NEDD4L: variants seen among roughly 807,000 people sequenced by gnomAD.
NEDD4L encodes the protein NEDD4 like E3 ubiquitin protein ligase, also known as E3 ubiquitin-protein ligase NEDD4-like.
In NEDD4L, 54 loss-of-function variants were observed where a neutral mutation model predicts 148.9. The observed-to-expected ratio is 0.36, with a 90% CI of 0.29 to 0.45. The LOEUF (loss-of-function observed/expected upper bound fraction) is 0.45, where lower values mean the gene tolerates loss of function less well. Ranked by LOEUF, NEDD4L falls within the 20% of genes least tolerant of loss-of-function variation. The pLI is 1.00. For missense variants in NEDD4L, 856 were observed against 1,233.8 expected, an observed-to-expected ratio of 0.69 and a Z score of 4.59; for synonymous variants, 433 against 440.7, an observed-to-expected ratio of 0.98 and a Z score of 0.22.
At chr18:58,217,753 A>G (rs2043300859) in intron 2 of NEDD4L, among the ~76,000 whole-genome samples, 1 of 152,230 alleles carries the variant, frequency 6.6e-6, no homozygotes, top group Admixed American at 6.5e-5. Context: ...CCACAGGGAT[A>G]TAAATTGGTT....
rs2050770816 is a variant in NEDD4L, at chr18:58,400,319, T to G, written c.*4050T>G. ...CAATTTCAGGACTGAGATGTGTTTT[T>G]AAAAAACAAATCCTTATAAACTCCA... On this transcript the variant is annotated 3_prime_UTR_variant, in exon 31 of 31. Transcript: ENST00000400345. The G allele has an allele frequency of 6.6e-6, 1 of 152,210 alleles. No individual in the cohort carries two copies. The allele number at this position is 152,210 out of a possible 1,614,324, so 9.4% of individuals were successfully genotyped here.
At chr18:58,198,379 G>GA (rs1199019387) in intron 2 of NEDD4L, among the ~76,000 whole-genome samples, 16 of 152,140 alleles carry the variant, frequency 1.1e-4, no homozygotes, top group African/African-American at 3.4e-4. Context: ...TAAGAAGCTG[G>GA]GGACATCAGC....
At chr18:58,182,792 T>C (rs1471943973) in intron 2 of NEDD4L, among the ~76,000 whole-genome samples, 3 of 152,212 alleles carry the variant, frequency 2.0e-5, no homozygotes, top group Non-Finnish European at 4.4e-5. Flanking sequence ...TGTGCCTTGG[T>C]TTCTCAGATA....
chr18:58,187,457 A>G (rs1489321331), intron 2 of NEDD4L, among the ~76,000 whole-genome samples: 1 of 152,224 alleles, frequency 6.6e-6, no homozygotes, highest in African/African-American at 2.4e-5. Flanking sequence ...TTAGGTTCTT[A>G]TAAATCAGAA....
At chr18:58,367,716 T>G (rs768915341) in intron 21 of NEDD4L, 30 bp from the exon 22 acceptor site, 2 of 1,611,802 alleles carry the variant, frequency 1.2e-6, no homozygotes, top group Non-Finnish European at 1.7e-6. Context: ...GAAAGTGTGA[T>G]TGGGCTTTTC....
chr18:58,268,225 A>C (rs2050508254), intron 5 of NEDD4L, among the ~76,000 whole-genome samples: 1 of 152,046 alleles, frequency 6.6e-6, no homozygotes, highest in Non-Finnish European at 1.5e-5. Context: ...GTGGCAAGAA[A>C]GATTCTTGGA....
chr18:58,356,827 CTA>C (rs1293311121), intron 18 of NEDD4L, among the ~76,000 whole-genome samples: 1 of 152,048 alleles, frequency 6.6e-6, no homozygotes, highest in Non-Finnish European at 1.5e-5. Context: ...TTTTGGGAAA[CTA>C]AGACTTTTTA....
rs961781036 is a variant in NEDD4L at position 58,387,441 on chromosome 18, A to C, written c.2490A>C (p.Gly830=). The change falls in exon 27 of 31, where the codon GGA becomes GGC. Residue 830 remains glycine (G), a splice_region_variant and synonymous_variant. Coordinates refer to ENST00000400345, the MANE Select transcript of NEDD4L (RefSeq NM_001144967.3). ...VQKQMNAFLE[G]FTELLPIDLI... is the part of the protein sequence containing the mutation. ...GATGTTTTTTTTTTTTCTTTCAGGG[A>C]TTCACAGAACTACTTCCTATTGATT... The C allele has an allele frequency of 5.9e-6, 9 of 1,531,798 alleles. No homozygotes were observed. The highest frequency in any genetic ancestry group is 4.7e-5 in the East Asian group (2 of 42,750). The allele number at this position is 1,531,798 out of a possible 1,614,324, so 94.9% of individuals were successfully genotyped here.
At chr18:58,257,120 G>T (rs2048700887) in intron 5 of NEDD4L, among the ~76,000 whole-genome samples, 1 of 152,114 alleles carries the variant, frequency 6.6e-6, no homozygotes, top group Non-Finnish European at 1.5e-5. Flanking sequence ...GTGCCCCAAC[G>T]TGCTGATGTT....
chr18:58,044,513 C>G lies in NEDD4L; in HGVS notation c.-148C>G. 8.7e-7 allele frequency: 1 copy of G among 1,150,374 alleles called. No homozygotes were observed. The highest frequency in any genetic ancestry group is 1.1e-6 in the Non-Finnish European group (1 of 902,558). The allele number at this position is 1,150,374 out of a possible 1,614,324, so 71.3% of individuals were successfully genotyped here. A position where few individuals can be genotyped will look rare whatever the true frequency, so the allele number is the denominator to read the frequency against. The stretch of plus-strand genomic sequence containing the variant: ...AGGGCGCGCTCTCGGGCACCCTCAC[C>G]TGCCGGCGCCCGGCCGCTTACCCGG... On this transcript the variant is annotated 5_prime_UTR_variant, in exon 1 of 31. Transcript: ENST00000400345.
At chr18:58,094,964 C>T (rs567845692) in intron 1 of NEDD4L, among the ~76,000 whole-genome samples, 15 of 152,026 alleles carry the variant, frequency 9.9e-5, no homozygotes, top group Non-Finnish European at 2.1e-4. Context: ...AAACAAGCAC[C>T]CCATGTCATT....
chr18:58,163,739 C>T (rs1366242975), intron 1 of NEDD4L, among the ~76,000 whole-genome samples: 6 of 152,118 alleles, frequency 3.9e-5, no homozygotes, highest in Non-Finnish European at 7.4e-5. Context: ...TTTGGGGATA[C>T]GTGGTTGGAT....
At chr18:58,294,455 G>A (rs2055244621) in intron 5 of NEDD4L, among the ~76,000 whole-genome samples, 1 of 152,180 alleles carries the variant, frequency 6.6e-6, no homozygotes, top group Admixed American at 6.5e-5. Context: ...TTCTTAGGAA[G>A]TGGCTAAATA....
At chr18:58,096,694 C>A (rs751435067) in intron 1 of NEDD4L, among the ~76,000 whole-genome samples, 46 of 152,226 alleles carry the variant, frequency 3.0e-4, no homozygotes, top group Non-Finnish European at 5.7e-4. Context: ...CCCCACCTGG[C>A]CTTAGTGTGA....
At chr18:58,349,656 G>A (rs2043614555) in intron 17 of NEDD4L, 42 bp downstream of exon 17, 3 of 1,469,638 alleles carry the variant, frequency 2.0e-6, no homozygotes, top group African/African-American at 1.4e-5. Context: ...GAATATGTGT[G>A]TTCCTTTATC....
chr18:58,186,135 A>C (rs909787726), intron 2 of NEDD4L, among the ~76,000 whole-genome samples: 2 of 152,076 alleles, frequency 1.3e-5, no homozygotes, highest in African/African-American at 4.8e-5. Context: ...ACAAGAACAT[A>C]CATTCCCTAG....
chr18:58,287,990 G>A (rs1305183306), intron 5 of NEDD4L, among the ~76,000 whole-genome samples: 5 of 152,182 alleles, frequency 3.3e-5, no homozygotes, highest in Non-Finnish European at 1.5e-5. Flanking sequence ...AGCTGAGCAT[G>A]ATCTTGAATG....
chr18:58,290,021 C>T (rs1392654145), intron 5 of NEDD4L, among the ~76,000 whole-genome samples: 1 of 152,200 alleles, frequency 6.6e-6, no homozygotes. Flanking sequence ...TAATATTCAT[C>T]TATTTGTATG....
intron 2 of NEDD4L, 90 bp downstream of exon 2, chr18:58,165,951 ACTT>A: frequency 9.7e-7 from 1 of 1,029,542 alleles, no homozygotes; most frequent in South Asian, 1.4e-5. Flanking sequence ...CACCTGGAGG[ACTT>A]CTTAAGACAA....
Sources: allele counts gnomAD v4.1 joint callset (sites outside exome capture counted in the v4.1 genomes callset), GRCh38; gene constraint gnomAD v4.1.1; transcripts MANE v1.5; gene names NCBI Gene and HGNC (gene_info 2026-07-23, HGNC 2026-07-21).